Variants in PKD1L1 observed in about 807,000 individuals in gnomAD.
PKD1L1 encodes the protein polycystin 1 like 1, transient receptor potential channel interacting, also known as polycystin-1-like protein 1.
In PKD1L1, 236 loss-of-function variants were observed where a neutral mutation model predicts 323.4. The observed-to-expected ratio is 0.73, with a 90% CI of 0.66 to 0.81. The LOEUF (loss-of-function observed/expected upper bound fraction) is 0.81, where lower values mean the gene tolerates loss of function less well. PKD1L1 is among the 40% of genes least tolerant of loss of function. PKD1L1 has a pLI of 0.00. For missense variants in PKD1L1, 3,320 were observed against 3,508.0 expected (o/e 0.95, Z 1.35); for synonymous variants, 1,344 against 1,335.0 (o/e 1.01, Z -0.15).
rs767773441 is a variant in PKD1L1, at chr7:47,858,673, C to G, written c.4362G>C (p.Leu1454Phe). The G allele has an allele frequency of 1.9e-6, 3 of 1,608,490 alleles. No homozygotes were observed. The African/African-American group carries it at 4.0e-5, about 22-fold the overall frequency. Residue 1454 changes from leucine to phenylalanine, a missense_variant and splice_region_variant, in exon 27 of 57, where the codon TTG (leucine) becomes TTC (phenylalanine). Physicochemically the swap from Leu to Phe is conservative, Grantham distance 22 (BLOSUM62 0). Coordinates refer to ENST00000289672, the MANE Select transcript of PKD1L1 (RefSeq NM_138295.5). Reference protein sequence around the residue: ...EGITVISDLLLGCLSLNHVST... With the variant: ...EGITVISDLLFGCLSLNHVST... ...TGGATGGAGAAAAAGTGTGACTTAC[C>G]AACAATAAATCTGAGATGACTGTAA...
At chr7:47,926,402 C>G (rs1787657465) in intron 7 of PKD1L1, among the ~76,000 whole-genome samples, 2 of 152,130 alleles carry the variant, frequency 1.3e-5, no homozygotes, top group Non-Finnish European at 2.9e-5. Context: ...CTGCGCAGAA[C>G]CAATGTACAT....
At chr7:47,832,546 GC>G in intron 41 of PKD1L1, among the ~76,000 whole-genome samples, 1 of 152,344 alleles carries the variant, frequency 6.6e-6, no homozygotes, top group East Asian at 1.9e-4. Context: ...CCTGGGCTGA[GC>G]TGGAGCCTCG....
chr7:47,838,876 C>CAAAAAA (rs57858359), intron 36 of PKD1L1, among the ~76,000 whole-genome samples: 23 of 85,194 alleles, frequency 2.7e-4, no homozygotes, highest in South Asian at 1.5e-3. Flanking sequence ...GACTCCATCT[C>CAAAAAA]AAAAAAAAAA....
intron 56 of PKD1L1, among the ~76,000 whole-genome samples, chr7:47,776,424 T>C (rs73101483): frequency 0.13 from 19,691 of 152,220 alleles, 1,451 homozygotes; most frequent in Non-Finnish European, 0.14. Flanking sequence ...TGCTTCTCCC[T>C]TGAGGAATTC....
rs1786797029 is a variant in PKD1L1 at position 47,890,731 on chromosome 7, G to T, written c.2486C>A (p.Pro829Gln). Residue 829 changes from proline to glutamine, a missense_variant, in exon 16 of 57, where the codon CCA (proline) becomes CAA (glutamine). Transcript: ENST00000289672. ...YHWECATAGS[P>Q]AHPCFDSSTA... is the part of the protein sequence containing the mutation. ...GGAGGAGTCGAAGCAGGGATGTGCT[G>T]GGGAGCCAGCGGTGGCGCATTCCCA... 1.2e-6 allele frequency: 2 copies of T among 1,612,778 alleles called. No homozygotes were observed. Among genetic ancestry groups the T allele is most frequent in the African/African-American group, 1.3e-5 (1 of 74,874 alleles).
chr7:47,930,947 T>C (rs2128755719), intron 6 of PKD1L1, among the ~76,000 whole-genome samples, 157 bp downstream of exon 6: 1 of 152,366 alleles, frequency 6.6e-6, no homozygotes, highest in Admixed American at 6.5e-5. Context: ...TGGCCAATTA[T>C]GTCTACAGCA....
chr7:47,860,531 T>C (rs773108138), intron 26 of PKD1L1, among the ~76,000 whole-genome samples: 27 of 152,216 alleles, frequency 1.8e-4, no homozygotes, highest in Non-Finnish European at 3.1e-4. Context: ...AAAATCTAGT[T>C]CTTCCACCAC....
chr7:47,801,604 T>C (rs994483442), intron 53 of PKD1L1, among the ~76,000 whole-genome samples: 4 of 152,172 alleles, frequency 2.6e-5, no homozygotes, highest in Non-Finnish European at 5.9e-5. Flanking sequence ...ATGGGCTGCA[T>C]TCTGTGTGGG....
At chr7:47,943,954 T>C (rs1413416509) in intron 1 of PKD1L1, among the ~76,000 whole-genome samples, 1 of 152,208 alleles carries the variant, frequency 6.6e-6, no homozygotes, top group Non-Finnish European at 1.5e-5. Flanking sequence ...TCTGGCATGC[T>C]GCAGAAAAGA....
intron 16 of PKD1L1, among the ~76,000 whole-genome samples, chr7:47,888,805 C>T (rs1287438155): frequency 6.6e-6 from 1 of 152,014 alleles, no homozygotes; most frequent in Admixed American, 6.6e-5. Context: ...TTTGCTGACC[C>T]AGCACTTTCC....
intron 52 of PKD1L1, among the ~76,000 whole-genome samples, chr7:47,807,330 G>A (rs1199187188): frequency 6.6e-6 from 1 of 152,132 alleles, no homozygotes; most frequent in Non-Finnish European, 1.5e-5. Context: ...GAGGAAACGA[G>A]CCTCATCCTG....
chr7:47,801,765 CT>C (rs1202921724), intron 53 of PKD1L1, among the ~76,000 whole-genome samples: 2 of 152,254 alleles, frequency 1.3e-5, no homozygotes, highest in African/African-American at 4.8e-5. Context: ...GAGTCTACAA[CT>C]GGACAAATTG....
At chr7:47,790,164 C>T (rs553576077) in intron 56 of PKD1L1, among the ~76,000 whole-genome samples, 4 of 152,016 alleles carry the variant, frequency 2.6e-5, no homozygotes, top group South Asian at 2.1e-4. Context: ...GCTATGATTA[C>T]GGGCGTGAGC....
chr7:47,827,315 TG>T, intron 45 of PKD1L1, 34 bp downstream of exon 45: 1 of 1,519,498 alleles, frequency 6.6e-7, no homozygotes, highest in Non-Finnish European at 8.9e-7. Context: ...GGAGCTGGAG[TG>T]GAGCAAGCCC....
chr7:47,834,726 GA>G (rs1305087401), intron 39 of PKD1L1, among the ~76,000 whole-genome samples: 2 of 152,062 alleles, frequency 1.3e-5, no homozygotes, highest in African/African-American at 4.8e-5. Context: ...CTTAGCTGGT[GA>G]AAAGTATTTA....
chr7:47,889,071 G>C (rs549817600), intron 16 of PKD1L1, among the ~76,000 whole-genome samples: 1 of 151,896 alleles, frequency 6.6e-6, no homozygotes, highest in Admixed American at 6.6e-5. Context: ...CAGCGTCCTC[G>C]CCTGGCACTG....
intron 24 of PKD1L1, among the ~76,000 whole-genome samples, chr7:47,869,235 A>T (rs1219011888): frequency 1.3e-5 from 2 of 152,206 alleles, no homozygotes; most frequent in Admixed American, 1.3e-4. Context: ...AAAAATAAGC[A>T]AAATGGCATA....
Position 47,948,391 on chromosome 7 carries a change from A to C in PKD1L1, c.44+6T>G. On this transcript the variant is annotated splice_donor_region_variant and intron_variant, in intron 1 of 56. Coordinates refer to ENST00000289672, the MANE Select transcript of PKD1L1 (RefSeq NM_138295.5). ...ACCAAACCCTCTGAGAACAGTGATAACTCACCTTTCCTGGTCATCAGAAAT... is the reference window on the plus strand; with the variant it reads ...ACCAAACCCTCTGAGAACAGTGATACCTCACCTTTCCTGGTCATCAGAAAT... 6.2e-7 allele frequency: 1 copy of C among 1,613,922 alleles called. No homozygotes were observed.
chr7:47,865,338 G>A lies in PKD1L1; in HGVS notation c.4093-66C>T, dbSNP rs1583631175. The A allele has an allele frequency of 3.5e-6, 5 of 1,431,426 alleles. 1 individual carries two copies. The East Asian group carries it at 1.2e-4, about 33-fold the overall frequency. 88.7% of individuals were successfully genotyped at this position (1,431,426 alleles called of 1,614,324 possible). A position where few individuals can be genotyped will look rare whatever the true frequency, so the allele number is the denominator to read the frequency against. On this transcript the variant is annotated intron_variant, in intron 25 of 56. Coordinates refer to ENST00000289672, the MANE Select transcript of PKD1L1 (RefSeq NM_138295.5). ...AGGAGAGGGAAATTAGCTTGTTTGGGTTAAAGTTACAGCTTGCCTATGTAG... is the reference window on the plus strand; with the variant it reads ...AGGAGAGGGAAATTAGCTTGTTTGGATTAAAGTTACAGCTTGCCTATGTAG...
Sources: gnomAD v4.1 joint callset for allele counts (sites outside exome capture counted in the v4.1 genomes callset) on GRCh38, gnomAD v4.1.1 for gene constraint, MANE v1.5 for transcripts, NCBI Gene and HGNC (gene_info 2026-07-23, HGNC 2026-07-21) for gene names.